The following HAPSTR1 variants were observed in gnomAD, a reference collection of about 807,000 sequenced individuals.
HAPSTR1 encodes the protein HUWE1-associated protein modifying stress responses 1.
the HAPSTR1 span, among the ~76,000 whole-genome samples, chr16:9,094,180 G>C: frequency 3.9e-5 from 6 of 152,268 alleles, no homozygotes; most frequent in East Asian, 1.2e-3. Context: ...TGGTAACAAA[G>C]TGGTGAAAAG....
the HAPSTR1 span, among the ~76,000 whole-genome samples, chr16:9,098,281 C>G: frequency 6.6e-6 from 1 of 152,072 alleles, no homozygotes; most frequent in African/African-American, 2.4e-5. Flanking sequence ...TGTGGTGAGC[C>G]GAGATCAGGC....
the HAPSTR1 span, among the ~76,000 whole-genome samples, chr16:9,113,356 A>G: frequency 1.3e-5 from 2 of 152,214 alleles, no homozygotes; most frequent in African/African-American, 4.8e-5. Flanking sequence ...GTAGAAAAAG[A>G]TGATTTCCCA....
the HAPSTR1 span, chr16:9,120,365 T>G: frequency 4.6e-5 from 7 of 152,222 alleles, no homozygotes; most frequent in Non-Finnish European, 2.9e-5. Flanking sequence ...GTGTGATGTT[T>G]TAGTGGGGGC....
At chr16:9,108,906 C>T in the HAPSTR1 span, 4 of 152,132 alleles carry the variant, frequency 2.6e-5, no homozygotes, top group African/African-American at 7.2e-5. Flanking sequence ...TATTCTTTGC[C>T]TTAAGAAAAG....
chr16:9,097,356 C>T, the HAPSTR1 span, among the ~76,000 whole-genome samples: 10 of 152,020 alleles, frequency 6.6e-5, no homozygotes, highest in Non-Finnish European at 1.2e-4. Context: ...GATCCTCCCA[C>T]CTCAGCCACT....
the HAPSTR1 span, among the ~76,000 whole-genome samples, chr16:9,092,543 G>T: frequency 6.6e-6 from 1 of 152,168 alleles, no homozygotes. Flanking sequence ...GCCACCCGGT[G>T]TCCCCCTCGG....
At chr16:9,106,310 G>A in the HAPSTR1 span, 1 of 75,632 alleles carries the variant, frequency 1.3e-5, no homozygotes, top group Non-Finnish European at 2.6e-5. Context: ...TTTTTTTTTT[G>A]AGACTGAGTG....
the HAPSTR1 span, among the ~76,000 whole-genome samples, chr16:9,114,646 A>C: frequency 5.3e-5 from 8 of 152,168 alleles, no homozygotes; most frequent in South Asian, 2.1e-4. Context: ...GTTCAAAGAG[A>C]TGAGGCCTAA....
the HAPSTR1 span, among the ~76,000 whole-genome samples, chr16:9,094,244 GA>G: frequency 6.6e-6 from 1 of 151,986 alleles, no homozygotes; most frequent in Admixed American, 6.6e-5. Context: ...CAGTCTTACT[GA>G]AAAAAGGGAA....
the HAPSTR1 span, chr16:9,107,165 C>G: frequency 2.6e-5 from 4 of 152,238 alleles, no homozygotes; most frequent in African/African-American, 4.8e-5. Context: ...AGGCATTTAT[C>G]TCAGATGAAG....
At chr16:9,095,787 A>G in the HAPSTR1 span, among the ~76,000 whole-genome samples, 1 of 152,188 alleles carries the variant, frequency 6.6e-6, no homozygotes, top group Non-Finnish European at 1.5e-5. Context: ...GCAAGGACAG[A>G]ATTCAATAAA....
At chr16:9,096,851 G>GA in the HAPSTR1 span, among the ~76,000 whole-genome samples, 1 of 151,506 alleles carries the variant, frequency 6.6e-6, no homozygotes, top group African/African-American at 2.4e-5. Context: ...TTTTTTTAAT[G>GA]AAAAAATTGT....
At chr16:9,111,338 A>G in the HAPSTR1 span, 1 of 152,260 alleles carries the variant, frequency 6.6e-6, no homozygotes, top group Non-Finnish European at 1.5e-5. Flanking sequence ...TAATGCACCA[A>G]AGCAGTCTCT....
chr16:9,119,351 T>C, the HAPSTR1 span: 1 of 152,256 alleles, frequency 6.6e-6, no homozygotes, highest in Non-Finnish European at 1.5e-5. Flanking sequence ...GTTGACTTTT[T>C]CAGTTTCTTG....
chr16:9,093,160 G>C, the HAPSTR1 span, among the ~76,000 whole-genome samples: 1 of 152,112 alleles, frequency 6.6e-6, no homozygotes, highest in South Asian at 2.1e-4. Context: ...TAGATCCACC[G>C]GAGGCGATTT....
the HAPSTR1 span, chr16:9,118,368 T>G: frequency 1.3e-5 from 2 of 152,668 alleles, no homozygotes; most frequent in Non-Finnish European, 2.9e-5. Flanking sequence ...TTTGTTAAAG[T>G]TTGCAATTTC....
the HAPSTR1 span, chr16:9,092,892 GT>G: frequency 0.1 from 114,062 of 1,091,922 alleles, 2 homozygotes; most frequent in Non-Finnish European, 0.11. Flanking sequence ...TTTCTTTTTG[GT>G]TTTTTTTTTT....
chr16:9,117,182 C>G, the HAPSTR1 span: 2 of 416,274 alleles, frequency 4.8e-6, no homozygotes, highest in Non-Finnish European at 8.7e-6. Context: ...TATATCCGTT[C>G]CAAGGCTAAA....
At chr16:9,117,816 C>CT in the HAPSTR1 span, 1 of 152,556 alleles carries the variant, frequency 6.6e-6, no homozygotes, top group Non-Finnish European at 1.5e-5. Context: ...GTTTTCTAGT[C>CT]TATCATTTTA....
Sources: gnomAD v4.1 joint callset for allele counts (sites outside exome capture counted in the v4.1 genomes callset) on GRCh38, gnomAD v4.1.1 for gene constraint, MANE v1.5 for transcripts, NCBI Gene and HGNC (gene_info 2026-07-23, HGNC 2026-07-21) for gene names.